Variants in HDAC9 observed in about 807,000 individuals in gnomAD.
HDAC9 encodes the protein histone deacetylase 9.
In HDAC9, 41 loss-of-function variants were observed where a neutral mutation model predicts 139.4. The observed-to-expected ratio is 0.29, with a 90% CI of 0.23 to 0.38. HDAC9 has a LOEUF of 0.38. Ranked by LOEUF, HDAC9 falls within the 10% of genes least tolerant of loss-of-function variation. The pLI is 1.00. For synonymous variants in HDAC9, 517 were observed against 476.2 expected, an observed-to-expected ratio of 1.09 and a Z score of -1.12; for missense variants, 1,147 against 1,297.0, an observed-to-expected ratio of 0.88 and a Z score of 1.78.
intron 2 of HDAC9, among the ~76,000 whole-genome samples, chr7:18,199,779 AG>A (rs1377488387): frequency 7.0e-6 from 1 of 142,486 alleles, no homozygotes; most frequent in Admixed American, 7.0e-5. Flanking sequence ...AAAAAAAAAA[AG>A]GCTGTGCTTA....
At chr7:18,128,440 TG>T (rs560738497) in intron 1 of HDAC9, among the ~76,000 whole-genome samples, 5 of 151,686 alleles carry the variant, frequency 3.3e-5, no homozygotes, top group Non-Finnish European at 2.9e-5. Context: ...CAAGCAGGGG[TG>T]GGATTGAATG....
chr7:18,731,644 A>G (rs1426466132), intron 13 of HDAC9, among the ~76,000 whole-genome samples: 2 of 152,132 alleles, frequency 1.3e-5, no homozygotes, highest in East Asian at 3.8e-4. Context: ...ATTTTTTTTG[A>G]GACGGAGTTT....
chr7:18,608,212 T>C (rs1254730498), intron 6 of HDAC9, among the ~76,000 whole-genome samples: 1 of 152,146 alleles, frequency 6.6e-6, no homozygotes, highest in Admixed American at 6.5e-5. Flanking sequence ...GATTGTATTT[T>C]CCTTAAATTT....
intron 23 of HDAC9, among the ~76,000 whole-genome samples, chr7:18,945,568 G>T (rs1441200959): frequency 6.6e-6 from 1 of 152,110 alleles, no homozygotes. Context: ...GATTCCCAAA[G>T]TCAAGAAAAG....
intron 1 of HDAC9, among the ~76,000 whole-genome samples, chr7:18,103,930 G>T (rs568751204): frequency 6.6e-6 from 1 of 152,170 alleles, no homozygotes; most frequent in Non-Finnish European, 1.5e-5. Context: ...GGCCAGAGCC[G>T]ATCCCAGCAG....
intron 1 of HDAC9, among the ~76,000 whole-genome samples, chr7:18,136,801 C>G (rs1163102581): frequency 1.3e-5 from 2 of 151,390 alleles, no homozygotes; most frequent in African/African-American, 4.9e-5. Context: ...TTTTTTGGTT[C>G]CATATGAACT....
chr7:18,876,335 C>G (rs1399877468), intron 22 of HDAC9, among the ~76,000 whole-genome samples: 3 of 152,132 alleles, frequency 2.0e-5, no homozygotes, highest in Admixed American at 1.3e-4. Context: ...CCCTCGTTCC[C>G]AGTCCCTCCA....
Position 18,143,618 on chromosome 7 carries a change from T to C in HDAC9, c.-96-18611T>C, listed in dbSNP as rs978021149. 3.6e-4 allele frequency among the ~76,000 whole-genome samples: 54 copies of C among 152,020 alleles called. 1 individual carries two copies. The highest frequency in any genetic ancestry group is 3.2e-4 in the Non-Finnish European group (22 of 68,006). On this transcript the variant is annotated intron_variant, in intron 1 of 12. Coordinates refer to the HDAC9 transcript ENST00000417496. ...CTGACTAACATGGTGAAACCTCGTA[T>C]CTACTAAAAATACAAAAATTAGCTA... is the stretch of plus-strand genomic sequence containing the variant.
rs968672645 is a variant in HDAC9, at chr7:18,510,070, A to T, written c.22+13746A>T. 3.9e-5 allele frequency among the ~76,000 whole-genome samples: 6 copies of T among 152,140 alleles called. No individual in the cohort carries two copies. In the South Asian group the frequency reaches 6.2e-4, roughly 16 times the overall value. On this transcript the variant is annotated intron_variant, in intron 2 of 25. Coordinates refer to ENST00000686413, the MANE Select transcript of HDAC9 (RefSeq NM_178425.4). Reference sequence around the variant, plus strand: ...TCTTTTATGAAGAAAATTACTCCTCAGTTTCTTTGTAGATTTGAAAAATGT... The same window carrying T: ...TCTTTTATGAAGAAAATTACTCCTCTGTTTCTTTGTAGATTTGAAAAATGT...
intron 1 of HDAC9, among the ~76,000 whole-genome samples, chr7:18,140,943 A>G (rs1705287515): frequency 1.3e-5 from 2 of 151,064 alleles, no homozygotes; most frequent in Admixed American, 6.6e-5. Flanking sequence ...TGTCTACAAT[A>G]GAATTTGACT....
intron 14 of HDAC9, among the ~76,000 whole-genome samples, chr7:18,761,600 T>C (rs1239458640): frequency 6.6e-6 from 1 of 152,180 alleles, no homozygotes; most frequent in Non-Finnish European, 1.5e-5. Context: ...AGACCATTAA[T>C]AAACAGATAT....
intron 1 of HDAC9, among the ~76,000 whole-genome samples, chr7:18,332,386 TGTGTGTGAGA>T (rs889305551): frequency 3.0e-4 from 42 of 141,092 alleles, no homozygotes; most frequent in East Asian, 1.6e-3. Flanking sequence ...TGTGTGTGTG[TGTGTGTGAGA>T]GAGAGAGAGA....
At chr7:18,558,164 C>T (rs1819466606) in intron 2 of HDAC9, among the ~76,000 whole-genome samples, 1 of 152,052 alleles carries the variant, frequency 6.6e-6, no homozygotes. Context: ...TTCTCTGATC[C>T]ATCATTATTA....
In HDAC9 at chr7:18,584,524, G is replaced by T. The variant is rs144128212; in HGVS notation, c.23-757G>T. On this transcript the variant is annotated intron_variant, in intron 2 of 25. Transcript: ENST00000686413. The stretch of plus-strand genomic sequence containing the variant: ...ATAAATTTAAATATTATCATCTGTA[G>T]TTATTCTCAGATCATCAAATCTTTT... Among the ~76,000 whole-genome samples the T allele has an allele frequency of 2.0e-3, 300 of 152,228 alleles. 1 individual carries two copies. The highest frequency in any genetic ancestry group is 6.8e-3 in the Middle Eastern group (2 of 292).
intron 1 of HDAC9, among the ~76,000 whole-genome samples, chr7:18,091,226 A>T (rs938415422): frequency 2.0e-5 from 3 of 152,248 alleles, no homozygotes; most frequent in Admixed American, 6.5e-5. Context: ...AAAAGTTCAG[A>T]TGTGGTTTCC....
At chr7:18,630,965 C>G (rs1346021420) in intron 7 of HDAC9, among the ~76,000 whole-genome samples, 1 of 152,084 alleles carries the variant, frequency 6.6e-6, no homozygotes, top group East Asian at 1.9e-4. Flanking sequence ...AAAGACAAAA[C>G]TGAATATAAT....
chr7:18,284,884 C>G (rs1248119695), intron 2 of HDAC9, among the ~76,000 whole-genome samples: 1 of 152,094 alleles, frequency 6.6e-6, no homozygotes, highest in Non-Finnish European at 1.5e-5. Flanking sequence ...ATTTTCAGCA[C>G]TCTGATTTAA....
chr7:18,093,921 G>T (rs530838908), intron 1 of HDAC9, among the ~76,000 whole-genome samples: 216 of 152,014 alleles, frequency 1.4e-3, no homozygotes, highest in African/African-American at 4.8e-3. Context: ...AGAATCATTG[G>T]CCCAGATCCC....
At chr7:18,361,639 A>G (rs1423418297) in intron 1 of HDAC9, among the ~76,000 whole-genome samples, 1 of 152,164 alleles carries the variant, frequency 6.6e-6, no homozygotes, top group East Asian at 1.9e-4. Context: ...CTCAATAGGC[A>G]TAAAATTTTA....
Sources: gnomAD v4.1 joint callset for allele counts (sites outside exome capture counted in the v4.1 genomes callset) on GRCh38, gnomAD v4.1.1 for gene constraint, MANE v1.5 for transcripts, NCBI Gene and HGNC (gene_info 2026-07-23, HGNC 2026-07-21) for gene names.